The following NMBR variants were observed in gnomAD, a reference collection of about 807,000 sequenced individuals.
NMBR encodes the protein neuromedin B receptor.
NMBR carries 16 observed loss-of-function variants against 20.5 expected under a neutral mutation model. That is an observed-to-expected ratio of 0.78 (90% CI 0.53 to 1.19). The LOEUF (loss-of-function observed/expected upper bound fraction) is 1.19, where lower values mean the gene tolerates loss of function less well. Ranked by LOEUF, NMBR falls within the 50% of genes most tolerant of loss-of-function variation. The pLI, the probability that NMBR is intolerant of heterozygous loss-of-function variation, is 0.00. For synonymous variants in NMBR, 212 were observed against 196.6 expected (o/e 1.08, Z -0.65); for missense variants, 582 against 499.1 (o/e 1.17, Z -1.58).
intron 1 of NMBR, among the ~76,000 whole-genome samples, chr6:142,121,384 G>T (rs2114598183): frequency 6.6e-6 from 1 of 152,090 alleles, no homozygotes; most frequent in East Asian, 1.9e-4. Flanking sequence ...GCTTAGTGAA[G>T]AAAGCATGAC....
chr6:142,093,253 T>A (rs553276722), intron 1 of NMBR, among the ~76,000 whole-genome samples: 161 of 151,218 alleles, frequency 1.1e-3, no homozygotes, highest in African/African-American at 3.9e-3. Context: ...CTGCACACAT[T>A]AACTCATCAT....
intron 1 of NMBR, among the ~76,000 whole-genome samples, chr6:142,114,509 C>A (rs1007839289): frequency 3.9e-5 from 6 of 152,060 alleles, no homozygotes; most frequent in African/African-American, 1.2e-4. Flanking sequence ...CTCCTATATT[C>A]CTCATATTTA....
chr6:142,091,318 A>T (rs1409024632), intron 1 of NMBR, among the ~76,000 whole-genome samples: 1 of 152,122 alleles, frequency 6.6e-6, no homozygotes, highest in Non-Finnish European at 1.5e-5. Flanking sequence ...AACCTCCTTC[A>T]TTCAAACAAT....
At chr6:142,130,969 C>T (rs1226097728) in intron 1 of NMBR, among the ~76,000 whole-genome samples, 1 of 152,122 alleles carries the variant, frequency 6.6e-6, no homozygotes, top group Non-Finnish European at 1.5e-5. Flanking sequence ...TTTTTCCTAG[C>T]AAGATTTCAG....
chr6:142,112,539 G>C (rs893042968), intron 1 of NMBR, among the ~76,000 whole-genome samples: 4 of 152,144 alleles, frequency 2.6e-5, no homozygotes, highest in African/African-American at 7.2e-5. Context: ...ATGAGAGACA[G>C]TACAATCAGC....
intron 1 of NMBR, among the ~76,000 whole-genome samples, chr6:142,096,056 A>C (rs1012897269): frequency 7.2e-5 from 11 of 151,786 alleles, no homozygotes; most frequent in African/African-American, 9.7e-5. Flanking sequence ...CTTCTTTATT[A>C]GTCTTGCTAG....
At chr6:142,138,718 A>G (rs980831854) in intron 1 of NMBR, among the ~76,000 whole-genome samples, 1 of 152,132 alleles carries the variant, frequency 6.6e-6, no homozygotes, top group Non-Finnish European at 1.5e-5. Context: ...CTGCTGACAA[A>G]CATACACATT....
chr6:142,129,273 A>G (rs1398935243), intron 1 of NMBR, among the ~76,000 whole-genome samples: 1 of 152,066 alleles, frequency 6.6e-6, no homozygotes, highest in Non-Finnish European at 1.5e-5. Context: ...TACTAATAGT[A>G]GTAGTAGTAA....
chr6:142,108,340 C>A (rs954842828), intron 1 of NMBR, among the ~76,000 whole-genome samples: 5 of 152,082 alleles, frequency 3.3e-5, no homozygotes, highest in Non-Finnish European at 5.9e-5. Context: ...ATAAAAATGA[C>A]ATTTACATAA....
At position 142,075,893 on chromosome 6, in the gene NMBR, G is replaced by A. The variant is rs142626832; in HGVS notation, c.928C>T (p.Arg310Trp). Residue 310 changes from arginine (R) to tryptophan (W), a missense_variant, in exon 4 of 4, where the codon CGG becomes TGG. Coordinates refer to ENST00000258042, the MANE Select transcript of NMBR (RefSeq NM_002511.4). ...LGHMIVTLVA[R>W]VLSFGNSCVN... ...CAAGAATTGCCAAAACTGAGAACCC[G>A]GGCAACTAAGGTGACAATCATGTGG... 8,975 of 1,614,006 alleles carry A rather than the reference G, an allele frequency of 5.6e-3. 37 individuals are homozygous for A. Among genetic ancestry groups the A allele is most frequent in the Middle Eastern group, 8.2e-3 (50 of 6,062 alleles).
chr6:142,078,123 C>A (rs759682117), intron 3 of NMBR, among the ~76,000 whole-genome samples: 9 of 152,148 alleles, frequency 5.9e-5, no homozygotes, highest in Non-Finnish European at 1.0e-4. Context: ...CCCAAGATCC[C>A]AGGCAGTGTC....
chr6:142,081,716 G>A (rs556135123), intron 2 of NMBR, among the ~76,000 whole-genome samples: 2 of 152,310 alleles, frequency 1.3e-5, no homozygotes, highest in African/African-American at 4.8e-5. Context: ...ATGTGGACAT[G>A]TTTTATTATG....
chr6:142,077,197 G>A (rs1776968061), intron 3 of NMBR, among the ~76,000 whole-genome samples: 1 of 152,188 alleles, frequency 6.6e-6, no homozygotes, highest in Non-Finnish European at 1.5e-5. Context: ...TGCACAGGCA[G>A]GCTGTTGGCA....
chr6:142,134,637 C>T (rs1333195614), intron 1 of NMBR: 1 of 690,282 alleles, frequency 1.4e-6, no homozygotes, highest in Non-Finnish European at 2.6e-6. Context: ...AAAAGCCTAT[C>T]TACACTATAA....
chr6:142,143,761 C>A, intron 1 of NMBR, among the ~76,000 whole-genome samples: 1 of 146,678 alleles, frequency 6.8e-6, no homozygotes, highest in East Asian at 2.1e-4. Flanking sequence ...TGTAGAATAG[C>A]CAACACAATT....
chr6:142,144,967 G>A (rs1263269801), intron 1 of NMBR, among the ~76,000 whole-genome samples: 3 of 138,334 alleles, frequency 2.2e-5, no homozygotes, highest in Non-Finnish European at 3.0e-5. Context: ...AGACTGCAGC[G>A]AGCTCTGATA....
At chr6:142,110,549 A>G (rs746934293) in intron 1 of NMBR, among the ~76,000 whole-genome samples, 9 of 152,194 alleles carry the variant, frequency 5.9e-5, no homozygotes, top group Non-Finnish European at 1.2e-4. Context: ...ATCTAGAGAG[A>G]TAGAAAGATT....
chr6:142,144,761 T>C (rs9496283), intron 1 of NMBR, among the ~76,000 whole-genome samples: 32 of 152,182 alleles, frequency 2.1e-4, no homozygotes, highest in African/African-American at 7.5e-4. Context: ...GTTAGCATAT[T>C]TAGAAAGAAG....
intron 1 of NMBR, among the ~76,000 whole-genome samples, chr6:142,110,964 G>A (rs539713019): frequency 9.9e-5 from 15 of 152,236 alleles, no homozygotes; most frequent in East Asian, 1.9e-4. Context: ...TACTGGCTGC[G>A]TGCGGTGGCT....
Sources: gnomAD v4.1 joint callset for allele counts (sites outside exome capture counted in the v4.1 genomes callset) on GRCh38, gnomAD v4.1.1 for gene constraint, MANE v1.5 for transcripts, NCBI Gene and HGNC (gene_info 2026-07-23, HGNC 2026-07-21) for gene names.